Variants in DLG2 observed in about 807,000 individuals in gnomAD.
The protein encoded by DLG2 is disks large homolog 2.
Under a neutral mutation model 132.5 loss-of-function variants are expected in DLG2, and 45 were observed. The ratio of observed to expected loss-of-function variants is 0.34; its 90% CI spans 0.27 to 0.44. DLG2 has a LOEUF of 0.44. Among genes scored for constraint, DLG2 ranks in the 20% least tolerant of loss-of-function variants. The pLI, the probability that DLG2 is intolerant of heterozygous loss-of-function variation, is 1.00. For missense variants in DLG2, 1,045 were observed against 1,196.9 expected (o/e 0.87, Z 1.87); for synonymous variants, 424 against 419.6 (o/e 1.01, Z -0.13).
intron 18 of DLG2, among the ~76,000 whole-genome samples, chr11:83,660,854 C>T (rs1328970434): frequency 6.6e-6 from 1 of 151,930 alleles, no homozygotes; most frequent in Non-Finnish European, 1.5e-5. Context: ...CTCCTTCTGT[C>T]CCTCATCTCA....
chr11:83,600,014 T>G (rs1276462058), intron 19 of DLG2, among the ~76,000 whole-genome samples: 2 of 152,224 alleles, frequency 1.3e-5, no homozygotes, highest in African/African-American at 2.4e-5. Flanking sequence ...ACAGATAAGC[T>G]GAGTGTAATC....
chr11:83,859,231 C>T (rs1028531639), intron 16 of DLG2, among the ~76,000 whole-genome samples: 5 of 152,158 alleles, frequency 3.3e-5, no homozygotes, highest in South Asian at 4.1e-4. Context: ...GACTTTGGAA[C>T]TGGGTAACAA....
At chr11:84,939,304 A>G (rs548664286) in intron 6 of DLG2, among the ~76,000 whole-genome samples, 2 of 152,252 alleles carry the variant, frequency 1.3e-5, no homozygotes, top group East Asian at 3.9e-4. Flanking sequence ...AATTTATGGT[A>G]TATAAGATAC....
At chr11:84,599,794 G>A (rs1306546762) in intron 6 of DLG2, among the ~76,000 whole-genome samples, 1 of 152,070 alleles carries the variant, frequency 6.6e-6, no homozygotes, top group African/African-American at 2.4e-5. Flanking sequence ...CACTTTAGGA[G>A]GCAGAGGCAG....
intron 6 of DLG2, among the ~76,000 whole-genome samples, chr11:84,875,067 G>T (rs981161533): frequency 1.3e-5 from 2 of 150,782 alleles, no homozygotes; most frequent in African/African-American, 4.9e-5. Flanking sequence ...AATATTGACT[G>T]ATGCATGAAA....
intron 3 of DLG2, among the ~76,000 whole-genome samples, chr11:85,465,119 A>G (rs12804135): frequency 3.2e-5 from 4 of 124,762 alleles, no homozygotes; most frequent in Non-Finnish European, 5.2e-5. Context: ...AAAAAAAAAA[A>G]GAAGCAAGAT....
chr11:85,437,198 A>C (rs1336658416), intron 3 of DLG2, among the ~76,000 whole-genome samples: 2 of 151,966 alleles, frequency 1.3e-5, no homozygotes, highest in African/African-American at 4.8e-5. Context: ...TAGCCAATGC[A>C]TGTGGGGCTT....
intron 7 of DLG2, among the ~76,000 whole-genome samples, chr11:84,524,735 A>G (rs761328748): frequency 6.6e-6 from 1 of 152,198 alleles, no homozygotes; most frequent in East Asian, 1.9e-4. Flanking sequence ...ATAGTTTTCT[A>G]ATCAGTGGTA....
chr11:84,821,651 C>CAA (rs1452375406), intron 6 of DLG2, among the ~76,000 whole-genome samples: 5 of 121,032 alleles, frequency 4.1e-5, no homozygotes, highest in South Asian at 2.5e-4. Context: ...ACAACAACAA[C>CAA]AAAAAAAACA....
chr11:84,222,859 A>G (rs1308002310), intron 8 of DLG2, among the ~76,000 whole-genome samples: 2 of 152,240 alleles, frequency 1.3e-5, no homozygotes, highest in African/African-American at 4.8e-5. Context: ...CAATTTGGTA[A>G]AACTGCAAAT....
At chr11:83,925,720 C>A (rs35195679) in intron 15 of DLG2, among the ~76,000 whole-genome samples, 11,853 of 152,040 alleles carry the variant, frequency 0.078, 658 homozygotes, top group Non-Finnish European at 0.11. Flanking sequence ...TTTATCTCAG[C>A]CTCTGTTATC....
intron 18 of DLG2, among the ~76,000 whole-genome samples, chr11:83,680,198 G>T (rs767215795): frequency 1.3e-5 from 2 of 152,110 alleles, no homozygotes; most frequent in Non-Finnish European, 2.9e-5. Context: ...AAGAAATTCA[G>T]TTTGTTGAGA....
At chr11:84,352,485 T>G (rs1231034056) in intron 7 of DLG2, among the ~76,000 whole-genome samples, 1 of 152,166 alleles carries the variant, frequency 6.6e-6, no homozygotes, top group African/African-American at 2.4e-5. Flanking sequence ...TTGTAATATA[T>G]CAACTTGGCT....
chr11:84,852,591 T>C (rs2082287681), intron 6 of DLG2, among the ~76,000 whole-genome samples: 1 of 151,814 alleles, frequency 6.6e-6, no homozygotes, highest in African/African-American at 2.4e-5. Flanking sequence ...TGATCTCAGA[T>C]ACCAGAAAAA....
At chr11:84,647,513 G>A (rs183148266) in intron 6 of DLG2, among the ~76,000 whole-genome samples, 30 of 152,252 alleles carry the variant, frequency 2.0e-4, no homozygotes, top group African/African-American at 6.7e-4. Flanking sequence ...TAAGTTTGAT[G>A]ATCAAAATTT....
intron 6 of DLG2, among the ~76,000 whole-genome samples, chr11:84,622,361 TC>T (rs1675322785): frequency 6.6e-6 from 1 of 152,182 alleles, no homozygotes; most frequent in Non-Finnish European, 1.5e-5. Context: ...TACAACATGC[TC>T]TGACAGCAGC....
intron 19 of DLG2, among the ~76,000 whole-genome samples, chr11:83,628,668 T>C (rs1026421848): frequency 6.6e-6 from 1 of 152,204 alleles, no homozygotes; most frequent in Non-Finnish European, 1.5e-5. Flanking sequence ...CCTCCTCATC[T>C]GCATCAGGGA....
At chr11:84,856,899 T>C (rs2082860296) in intron 6 of DLG2, among the ~76,000 whole-genome samples, 1 of 151,894 alleles carries the variant, frequency 6.6e-6, no homozygotes. Context: ...AAAAGTAATA[T>C]AAACAAGTAA....
At chr11:84,875,438 C>A (rs1445754294) in intron 6 of DLG2, among the ~76,000 whole-genome samples, 2 of 151,638 alleles carry the variant, frequency 1.3e-5, no homozygotes, top group South Asian at 2.1e-4. Flanking sequence ...ATGGACATGA[C>A]TAAACAGCCT....
Sources: gnomAD v4.1 joint callset for allele counts (sites outside exome capture counted in the v4.1 genomes callset) on GRCh38, gnomAD v4.1.1 for gene constraint, MANE v1.5 for transcripts, NCBI Gene and HGNC (gene_info 2026-07-23, HGNC 2026-07-21) for gene names.